SEMA6A: variants seen among roughly 807,000 people sequenced by gnomAD.
SEMA6A encodes semaphorin 6A, also known as semaphorin-6A.
Under a neutral mutation model 96.8 loss-of-function variants are expected in SEMA6A, and 25 were observed. The ratio of observed to expected loss-of-function variants is 0.26; its 90% CI spans 0.19 to 0.36. SEMA6A has a LOEUF of 0.36. SEMA6A is among the 10% of genes least tolerant of loss of function. SEMA6A has a pLI of 1.00. For missense variants in SEMA6A, 1,363 were observed against 1,323.1 expected (o/e 1.03, Z -0.47); for synonymous variants, 612 against 518.0 (o/e 1.18, Z -2.46).
At chr5:116,490,459 G>A (rs1350233458) in intron 7 of SEMA6A, among the ~76,000 whole-genome samples, 1 of 152,140 alleles carries the variant, frequency 6.6e-6, no homozygotes, top group Non-Finnish European at 1.5e-5. Flanking sequence ...CCCAACTAAT[G>A]CAGGTTCCAA....
chr5:116,526,426 A>G (rs530673133), intron 1 of SEMA6A, among the ~76,000 whole-genome samples: 2 of 152,288 alleles, frequency 1.3e-5, no homozygotes, highest in South Asian at 2.1e-4. Flanking sequence ...TTACTAATCT[A>G]TCCACACCAT....
At chr5:116,523,932 C>T (rs1759087233) in intron 1 of SEMA6A, among the ~76,000 whole-genome samples, 2 of 152,186 alleles carry the variant, frequency 1.3e-5, no homozygotes, top group Admixed American at 1.3e-4. Flanking sequence ...AGCCATGATT[C>T]AAAAACCTTT....
chr5:116,571,937 G>A (rs1035882364), intron 1 of SEMA6A, among the ~76,000 whole-genome samples: 3 of 152,148 alleles, frequency 2.0e-5, no homozygotes, highest in East Asian at 1.9e-4. Context: ...ACTTTGGGGA[G>A]AAAACATAAT....
chr5:116,520,913 C>A (rs757568478), intron 1 of SEMA6A, among the ~76,000 whole-genome samples: 1 of 152,154 alleles, frequency 6.6e-6, no homozygotes. Flanking sequence ...CCAGAAGGAT[C>A]CTGCTGTGGA....
chr5:116,573,921 G>A (rs929799819), intron 1 of SEMA6A, among the ~76,000 whole-genome samples: 1 of 151,890 alleles, frequency 6.6e-6, no homozygotes, highest in African/African-American at 2.4e-5. Flanking sequence ...GGCCCGGGGC[G>A]GCGCCGGGCG....
chr5:116,466,633 G>C (rs1387631947), intron 18 of SEMA6A, among the ~76,000 whole-genome samples: 1 of 152,152 alleles, frequency 6.6e-6, no homozygotes, highest in Non-Finnish European at 1.5e-5. Flanking sequence ...TATGTATGCA[G>C]AACACTCTGG....
At chr5:116,544,351 CA>C (rs1760097567) in intron 1 of SEMA6A, among the ~76,000 whole-genome samples, 1 of 152,104 alleles carries the variant, frequency 6.6e-6, no homozygotes, top group Non-Finnish European at 1.5e-5. Context: ...TGTAGTATAG[CA>C]TGATCATGGT....
At chr5:116,492,175 A>T (rs938208774) in intron 6 of SEMA6A, among the ~76,000 whole-genome samples, 7 of 152,168 alleles carry the variant, frequency 4.6e-5, no homozygotes, top group African/African-American at 1.7e-4. Context: ...CATGTATTCA[A>T]AAATGATGCT....
chr5:116,490,347 C>T (rs1249014573), intron 7 of SEMA6A, among the ~76,000 whole-genome samples: 1 of 152,010 alleles, frequency 6.6e-6, no homozygotes, highest in Non-Finnish European at 1.5e-5. Context: ...TCCTATAGCC[C>T]CGCCTTGGCC....
chr5:116,497,546 C>T (rs556807200), intron 3 of SEMA6A, among the ~76,000 whole-genome samples, 159 bp from the exon 4 acceptor site: 49 of 152,314 alleles, frequency 3.2e-4, no homozygotes, highest in African/African-American at 1.1e-3. Flanking sequence ...GAGATGTCTC[C>T]GGATCCCATT....
In SEMA6A at chr5:116,446,755, G is replaced by C. The variant is rs1324265963; in HGVS notation, c.2951C>G (p.Ser984Trp). The change falls in exon 19 of 19, where the codon TCG becomes TGG. Residue 984 changes from serine to tryptophan, a missense_variant. Ser to Trp is a radical substitution (Grantham distance 177, BLOSUM62 -3). Around this residue, in one of 2 missense-constraint regions of SEMA6A, gnomAD observed 883 missense variants for 763.6 expected, o/e 1.16. Coordinates refer to ENST00000343348, the MANE Select transcript of SEMA6A (RefSeq NM_020796.5). ...GTAGGCGTTGAGGCTGGGCTGCCTC[G>C]AGACAGTCACGGCCTGGCCAGATGG... ...SQPSGQAVTV[S>W]RQPSLNAYNS... 1 of 1,609,086 alleles carries C rather than the reference G, an allele frequency of 6.2e-7. No individual in the cohort carries two copies. Among genetic ancestry groups the C allele is most frequent in the Non-Finnish European group, 8.5e-7 (1 of 1,177,550 alleles).
intron 7 of SEMA6A, 68 bp from the exon 8 acceptor site, chr5:116,489,075 A>G: frequency 2.7e-6 from 4 of 1,469,454 alleles, no homozygotes; most frequent in Non-Finnish European, 3.6e-6. Context: ...AATAATAAAG[A>G]CATCCCCTAG....
chr5:116,451,476 T>A (rs1376937293), intron 18 of SEMA6A, among the ~76,000 whole-genome samples: 1 of 152,202 alleles, frequency 6.6e-6, no homozygotes. Flanking sequence ...TCAGGATGCC[T>A]ATAGTTACTG....
chr5:116,561,206 A>G (rs575340863), intron 1 of SEMA6A, among the ~76,000 whole-genome samples: 4 of 152,344 alleles, frequency 2.6e-5, no homozygotes, highest in African/African-American at 9.6e-5. Flanking sequence ...AAATAAGGCA[A>G]TGTTTATAAA....
intron 1 of SEMA6A, among the ~76,000 whole-genome samples, chr5:116,572,992 T>C (rs1321196032): frequency 6.6e-6 from 1 of 152,142 alleles, no homozygotes; most frequent in East Asian, 1.9e-4. Context: ...TTTCCCGACG[T>C]CCACAAGCCC....
chr5:116,448,410 C>T (rs1754409988), intron 18 of SEMA6A, among the ~76,000 whole-genome samples: 1 of 152,150 alleles, frequency 6.6e-6, no homozygotes, highest in African/African-American at 2.4e-5. Context: ...CTCTGCTTCA[C>T]TCCAGGGAAT....
At chr5:116,467,050 C>G (rs1489142504) in intron 18 of SEMA6A, among the ~76,000 whole-genome samples, 3 of 152,114 alleles carry the variant, frequency 2.0e-5, no homozygotes, top group Non-Finnish European at 2.9e-5. Context: ...TTTGTCTTAG[C>G]TACTATCCTC....
Position 116,486,895 on chromosome 5 carries a change from C to T in SEMA6A, c.816G>A (p.Gln272=). The T allele has an allele frequency of 6.2e-7, 1 of 1,613,832 alleles. No homozygotes were observed. The highest frequency in any genetic ancestry group is 8.5e-7 in the Non-Finnish European group (1 of 1,179,792). Reference sequence around the variant, plus strand: ...AGCGCGCCTTCAGGAACGACGTCCACTGTTTCTCCAGGACTCTTTGAGATC... The same window carrying T: ...AGCGCGCCTTCAGGAACGACGTCCATTGTTTCTCCAGGACTCTTTGAGATC... The part of the protein sequence containing the change: ...MGGSQRVLEK[Q]WTSFLKARLN... The change falls in exon 10 of 19, where the codon CAG becomes CAA. Residue 272 remains glutamine, a synonymous_variant. Coordinates refer to ENST00000343348, the MANE Select transcript of SEMA6A (RefSeq NM_020796.5).
intron 1 of SEMA6A, among the ~76,000 whole-genome samples, chr5:116,551,351 C>T (rs1420134607): frequency 6.6e-6 from 1 of 151,398 alleles, no homozygotes; most frequent in African/African-American, 2.4e-5. Flanking sequence ...CACACACACA[C>T]ATTCTCTTTG....
Sources: allele counts gnomAD v4.1 joint callset (sites outside exome capture counted in the v4.1 genomes callset), GRCh38; gene constraint gnomAD v4.1.1; regional missense constraint gnomAD v4.1.1; transcripts MANE v1.5; gene names NCBI Gene and HGNC (gene_info 2026-07-23, HGNC 2026-07-21).